TTC22: variants seen among roughly 807,000 people sequenced by gnomAD.
The protein encoded by TTC22 is tetratricopeptide repeat domain 22.
In TTC22, 42 loss-of-function variants were observed where a neutral mutation model predicts 48.2. The ratio of observed to expected loss-of-function variants is 0.87; its 90% CI spans 0.68 to 1.13. The LOEUF is 1.13. Ranked by LOEUF, TTC22 falls within the 50% of genes most tolerant of loss-of-function variation. TTC22 has a pLI of 0.00. For missense variants in TTC22, 784 were observed against 807.0 expected (o/e 0.97, Z 0.34); for synonymous variants, 345 against 365.5 (o/e 0.94, Z 0.64).
At position 54,786,850 on chromosome 1, in the gene TTC22, C is replaced by A. The variant is rs1048686534; in HGVS notation, c.858+107G>T. 18 of 504,642 alleles carry A rather than the reference C, an allele frequency of 3.6e-5. No homozygotes were observed. In the South Asian group the frequency reaches 6.2e-4, roughly 17 times the overall value. 31.3% of individuals were successfully genotyped at this position (504,642 alleles called of 1,614,324 possible). Reference sequence around the variant, plus strand: ...GGAGTAAGTGTACTTCCTGGGTGGGCCACGCGGTGGGGGTTGATACCCAGA... The same window carrying A: ...GGAGTAAGTGTACTTCCTGGGTGGGACACGCGGTGGGGGTTGATACCCAGA... On this transcript the variant is annotated intron_variant, in intron 4 of 6. Coordinates refer to ENST00000371276, the MANE Select transcript of TTC22 (RefSeq NM_001114108.2).
At chr1:54,790,997 T>C (rs939959966) in intron 1 of TTC22, among the ~76,000 whole-genome samples, 19 of 152,228 alleles carry the variant, frequency 1.2e-4, no homozygotes, top group Admixed American at 9.2e-4. Flanking sequence ...GTAGCTGGGA[T>C]TACAGGTGTC....
intron 1 of TTC22, among the ~76,000 whole-genome samples, chr1:54,792,148 C>A (rs1646356840): frequency 6.6e-6 from 1 of 152,236 alleles, no homozygotes; most frequent in Admixed American, 6.5e-5. Context: ...CTCTCCTCCC[C>A]TTCAACTTGA....
chr1:54,800,412 C>A (rs1646423775), intron 1 of TTC22, among the ~76,000 whole-genome samples, 185 bp downstream of exon 1: 1 of 152,186 alleles, frequency 6.6e-6, no homozygotes, highest in South Asian at 2.1e-4. Context: ...AGCGGTTCCA[C>A]TCCCAGGAGA....
intron 1 of TTC22, among the ~76,000 whole-genome samples, chr1:54,789,075 C>T (rs1292281357): frequency 2.6e-5 from 4 of 152,238 alleles, no homozygotes; most frequent in Non-Finnish European, 5.9e-5. Flanking sequence ...TATAGTGGAA[C>T]ATATTGAAGC....
intron 1 of TTC22, among the ~76,000 whole-genome samples, chr1:54,796,197 C>T (rs1010324745): frequency 2.0e-5 from 3 of 152,238 alleles, no homozygotes; most frequent in Non-Finnish European, 2.9e-5. Context: ...TGTGCGCGTG[C>T]GCACGTGTGG....
chr1:54,787,223 C>G, intron 3 of TTC22, 148 bp from the exon 4 acceptor site: 1 of 547,242 alleles, frequency 1.8e-6, no homozygotes, highest in South Asian at 2.5e-5. Flanking sequence ...CAGAGAGAAG[C>G]AAAGGTGGAG....
At chr1:54,790,101 G>A (rs1460477487) in intron 1 of TTC22, among the ~76,000 whole-genome samples, 1 of 152,196 alleles carries the variant, frequency 6.6e-6, no homozygotes, top group Non-Finnish European at 1.5e-5. Flanking sequence ...AGGGTTGGGC[G>A]CAGTAGCTTA....
chr1:54,788,699 C>T (rs1393804594), intron 1 of TTC22, among the ~76,000 whole-genome samples: 1 of 152,232 alleles, frequency 6.6e-6, no homozygotes, highest in Non-Finnish European at 1.5e-5. Flanking sequence ...CTCCCTCAGG[C>T]TCCAGCCCCT....
At position 54,781,113 on chromosome 1, in the gene TTC22, CCCGA is replaced by C; in HGVS notation, c.*126_*129del. On this transcript the variant is annotated 3_prime_UTR_variant, in exon 7 of 7. Coordinates refer to ENST00000371276, the MANE Select transcript of TTC22 (RefSeq NM_001114108.2). ...TGTCGCAACATCCCCATTCACAATTCCCGACCAAGAATCGAACTGGCTCCGCTCC... is the reference window on the plus strand; with the variant it reads ...TGTCGCAACATCCCCATTCACAATTCCCAAGAATCGAACTGGCTCCGCTCC... 1 of 635,694 alleles carries C rather than the reference CCCGA, an allele frequency of 1.6e-6. No homozygotes were observed. The highest frequency in any genetic ancestry group is 2.3e-6 in the Non-Finnish European group (1 of 426,258). 39.4% of individuals were successfully genotyped at this position (635,694 alleles called of 1,614,324 possible).
At chr1:54,782,240 C>A in intron 6 of TTC22, 85 bp downstream of exon 6, 1 of 1,368,536 alleles carries the variant, frequency 7.3e-7, no homozygotes, top group East Asian at 2.6e-5. Flanking sequence ...TTTTCCTCTG[C>A]ATCTTGGCCT....
chr1:54,795,278 G>T (rs3753402), intron 1 of TTC22, among the ~76,000 whole-genome samples: 14,265 of 152,304 alleles, frequency 0.094, 854 homozygotes, highest in Non-Finnish European at 0.14. Flanking sequence ...GGTGGTATGC[G>T]CACAGGTGGA....
In TTC22 at chr1:54,784,498, G is replaced by A. The variant is rs749817017; in HGVS notation, c.1020+1485C>T. On this transcript the variant is annotated intron_variant, in intron 5 of 6. Transcript: ENST00000371276. ...CCTCATTTGTAGGATGGACATGTCC[G>A]GCCTCTCTCAGAGGGTTCTTGTGAA... The A allele has an allele frequency of 3.6e-4, 355 of 986,296 alleles. 1 individual carries two copies. Among genetic ancestry groups the A allele is most frequent in the Non-Finnish European group, 4.2e-4 (345 of 827,668 alleles). 61.1% of individuals were successfully genotyped at this position (986,296 alleles called of 1,614,324 possible). A position where few individuals can be genotyped will look rare whatever the true frequency, so the allele number is the denominator to read the frequency against.
At chr1:54,787,296 T>G in intron 3 of TTC22, 1 of 553,846 alleles carries the variant, frequency 1.8e-6, no homozygotes, top group Non-Finnish European at 3.2e-6. Context: ...CAATGTGTCA[T>G]CGGGGGACCT....
intron 5 of TTC22, among the ~76,000 whole-genome samples, chr1:54,783,029 CCAAGCATCA>C (rs1185608202): frequency 1.3e-5 from 2 of 151,972 alleles, no homozygotes; most frequent in African/African-American, 4.8e-5. Flanking sequence ...GCCCCAACTG[CCAAGCATCA>C]CATTACAAAT....
rs1347215185 is a variant in TTC22 at position 54,786,439 on chromosome 1, G to T, written c.859-295C>A. 4 of 350,852 alleles carry T rather than the reference G, an allele frequency of 1.1e-5. No homozygotes were observed. In the Admixed American group the frequency reaches 1.4e-4, roughly 12 times the overall value. 21.7% of individuals were successfully genotyped at this position (350,852 alleles called of 1,614,324 possible). ...GTCAGACCCCTCCTTCCCAGTGTATGCTCTCCCATCTTCCTAGGGCAGGTG... is the reference window on the plus strand; with the variant it reads ...GTCAGACCCCTCCTTCCCAGTGTATTCTCTCCCATCTTCCTAGGGCAGGTG... On this transcript the variant is annotated intron_variant, in intron 4 of 6. Coordinates refer to ENST00000371276, the MANE Select transcript of TTC22 (RefSeq NM_001114108.2).
At chr1:54,800,544 AT>A in intron 1 of TTC22, 52 bp downstream of exon 1, 1 of 1,359,652 alleles carries the variant, frequency 7.4e-7, no homozygotes, top group Non-Finnish European at 9.6e-7. Flanking sequence ...AGAAGGGACC[AT>A]GGGAGGACCA....
intron 5 of TTC22, among the ~76,000 whole-genome samples, chr1:54,783,745 C>T (rs1315814784): frequency 6.6e-6 from 1 of 152,200 alleles, no homozygotes; most frequent in Non-Finnish European, 1.5e-5. Context: ...AATCCTAGCA[C>T]TTTGGGAGGC....
At chr1:54,786,660 G>T (rs1646304080) in intron 4 of TTC22, 1 of 327,758 alleles carries the variant, frequency 3.1e-6, no homozygotes, top group Non-Finnish European at 5.5e-6. Flanking sequence ...TGCCACTGGG[G>T]GTGGAGAGGT....
chr1:54,787,740 A>T lies in TTC22; in HGVS notation c.710T>A (p.Val237Glu). The T allele has an allele frequency of 1.2e-6, 2 of 1,613,440 alleles. No individual in the cohort carries two copies. Among genetic ancestry groups the T allele is most frequent in the Non-Finnish European group, 1.7e-6 (2 of 1,179,762 alleles). Reference protein sequence around the residue: ...FNRTLALLRQVLKSEDPRHRA... With the variant: ...FNRTLALLRQELKSEDPRHRA... Reference sequence around the variant, plus strand: ...GTGGCGGGGGTCCTCGGACTTCAGCACTTGCCGGAGTAGGGCCAGCGTGCG... The same window carrying T: ...GTGGCGGGGGTCCTCGGACTTCAGCTCTTGCCGGAGTAGGGCCAGCGTGCG... The change falls in exon 3 of 7, where the codon GTG becomes GAG. Residue 237 changes from valine (V) to glutamate (E), a missense_variant. By Grantham distance (121) the Val-to-Glu change is moderately radical (BLOSUM62 -2). Coordinates refer to ENST00000371276, the MANE Select transcript of TTC22 (RefSeq NM_001114108.2).
Sources: allele counts gnomAD v4.1 joint callset (sites outside exome capture counted in the v4.1 genomes callset), GRCh38; gene constraint gnomAD v4.1.1; transcripts MANE v1.5; gene names NCBI Gene and HGNC (gene_info 2026-07-23, HGNC 2026-07-21).